Variants in DCUN1D1 observed in about 807,000 individuals in gnomAD.
DCUN1D1 encodes the protein defective in cullin neddylation 1 domain containing 1, also known as DCN1-like protein 1.
In DCUN1D1, 3 loss-of-function variants were observed where a neutral mutation model predicts 39.0. The observed-to-expected ratio is 0.08, with a 90% CI of 0.04 to 0.20. The LOEUF is 0.20. DCUN1D1 is among the 10% of genes least tolerant of loss of function. The probability of loss-of-function intolerance (pLI) is 1.00; values close to 1 mark genes in which losing one functional copy is unlikely to be tolerated. For synonymous variants in DCUN1D1, 82 were observed against 96.3 expected (o/e 0.85, Z 0.87); for missense variants, 158 against 302.4 (o/e 0.52, Z 3.54).
intron 1 of DCUN1D1, among the ~76,000 whole-genome samples, chr3:182,973,566 T>C (rs191666764): frequency 2.0e-5 from 3 of 152,308 alleles, no homozygotes; most frequent in Admixed American, 1.3e-4. Context: ...CCCAGCACTT[T>C]GGGAGGCCAA....
At chr3:182,963,578 AT>A (rs1318217348) in intron 3 of DCUN1D1, among the ~76,000 whole-genome samples, 1 of 152,256 alleles carries the variant, frequency 6.6e-6, no homozygotes, top group Non-Finnish European at 1.5e-5. Context: ...ACATTAGGAA[AT>A]AACTTTAAAA....
At chr3:182,981,044 T>A (rs1366321480), upstream of DCUN1D1, 1 of 152,264 alleles carries the variant, frequency 6.6e-6, no homozygotes, top group Non-Finnish European at 1.5e-5. Flanking sequence ...CGTGTTTTCT[T>A]CTTTTTCCCC....
In DCUN1D1 at chr3:182,941,871, T is replaced by C. The variant is rs1246160435; in HGVS notation, c.*3223A>G. The stretch of plus-strand genomic sequence containing the variant: ...TCTCCTGTCATTCATATGTGAAAAT[T>C]ACAGAAGGTTTACAATACGTAGTCT... On this transcript the variant is annotated 3_prime_UTR_variant, in exon 7 of 7. Coordinates refer to ENST00000292782, the MANE Select transcript of DCUN1D1 (RefSeq NM_020640.4). The C allele has an allele frequency of 6.6e-6, 1 of 151,922 alleles. No individual in the cohort carries two copies. Among genetic ancestry groups the C allele is most frequent in the Non-Finnish European group, 1.5e-5 (1 of 67,968 alleles). 9.4% of individuals were successfully genotyped at this position (151,922 alleles called of 1,614,324 possible).
rs1577147476 is a variant in DCUN1D1, at chr3:182,939,171, A to C, written c.*5923T>G. ...ATGCCTAGGTATAACTCACACACAT[A>C]AAGTAAATACCCGCCAGGATGGCTG... On this transcript the variant is annotated 3_prime_UTR_variant, in exon 7 of 7. Transcript: ENST00000292782. 1 of 152,342 alleles carries C rather than the reference A, an allele frequency of 6.6e-6. No individual in the cohort carries two copies. Among genetic ancestry groups the C allele is most frequent in the South Asian group, 2.1e-4 (1 of 4,830 alleles). 9.4% of individuals were successfully genotyped at this position (152,342 alleles called of 1,614,324 possible). A position where few individuals can be genotyped will look rare whatever the true frequency, so the allele number is the denominator to read the frequency against.
intron 1 of DCUN1D1, among the ~76,000 whole-genome samples, chr3:182,976,919 T>C (rs538581053): frequency 3.3e-5 from 5 of 152,354 alleles, no homozygotes; most frequent in Non-Finnish European, 7.4e-5. Context: ...CAACCTTGAA[T>C]AGACCTACAT....
rs1726243074 is a variant in DCUN1D1, at chr3:182,943,533, T to G, written c.*1561A>C. On this transcript the variant is annotated 3_prime_UTR_variant, in exon 7 of 7. Coordinates refer to ENST00000292782, the MANE Select transcript of DCUN1D1 (RefSeq NM_020640.4). ...TTTGATATGTCATTGTTTCTTAAAA[T>G]AATTTCCATATTTGCATAAAATGTA... 1 of 152,408 alleles carries G rather than the reference T, an allele frequency of 6.6e-6. No homozygotes were observed. The allele number at this position is 152,408 out of a possible 1,614,324, so 9.4% of individuals were successfully genotyped here.
chr3:182,967,832 G>A (rs999939300), intron 1 of DCUN1D1, among the ~76,000 whole-genome samples: 3 of 152,178 alleles, frequency 2.0e-5, no homozygotes, highest in Non-Finnish European at 4.4e-5. Flanking sequence ...TTGCTTAAAT[G>A]AAAGTTAACA....
At chr3:182,985,568 G>A (rs1728704968) in exon 2 of DCUN1D1, 2 of 152,400 alleles carry the variant, frequency 1.3e-5, no homozygotes, top group South Asian at 2.1e-4. Flanking sequence ...GGCGGAGGTT[G>A]CGGTGAGCCA....
intron 4 of DCUN1D1, among the ~76,000 whole-genome samples, chr3:182,951,637 A>C (rs1256931434): frequency 1.3e-5 from 2 of 148,576 alleles, no homozygotes; most frequent in South Asian, 2.1e-4. Flanking sequence ...AAAAAAAAAA[A>C]AAAAAAAAAC....
intron 1 of DCUN1D1, among the ~76,000 whole-genome samples, chr3:182,975,682 TAAA>T (rs56722976): frequency 2.5e-5 from 3 of 121,972 alleles, no homozygotes; most frequent in Non-Finnish European, 3.4e-5. Context: ...CTTGCTGGGT[TAAA>T]AAAAAAAAAA....
In DCUN1D1 at chr3:182,974,625, C is replaced by T. The variant is rs186744395; in HGVS notation, c.3+5862G>A. Among the ~76,000 whole-genome samples, 584 of 151,892 alleles carry T rather than the reference C, an allele frequency of 3.8e-3. 5 individuals carry two copies. The highest frequency in any genetic ancestry group is 6.9e-3 in the Non-Finnish European group (466 of 67,934). On this transcript the variant is annotated intron_variant, in intron 1 of 6. Transcript: ENST00000292782. ...TCTAATATTTGATATTTTCTCAAAT[C>T]CTAAATCAGGAAGTATTAGAATCCT...
chr3:182,978,040 C>CAA lies in DCUN1D1; in HGVS notation c.3+2445_3+2446dup, dbSNP rs71185618. ...GGGCAACAGAGCAAAAACTCCATCT[C>CAA]AAAAAAAAAAAAACAACAACAACAA... On this transcript the variant is annotated intron_variant, in intron 1 of 6. Coordinates refer to ENST00000292782, the MANE Select transcript of DCUN1D1 (RefSeq NM_020640.4). Among the ~76,000 whole-genome samples, 983 of 136,536 alleles carry CAA rather than the reference C, an allele frequency of 7.2e-3. 6 individuals carry two copies. Among genetic ancestry groups the CAA allele is most frequent in the Middle Eastern group, 0.019 (5 of 268 alleles). The allele number at this position is 136,536 out of a possible 152,430, so 89.6% of individuals were successfully genotyped here. A position where few individuals can be genotyped will look rare whatever the true frequency, so the allele number is the denominator to read the frequency against.
At position 182,947,235 on chromosome 3, in the gene DCUN1D1, T is replaced by C. The variant is rs1726460580; in HGVS notation, c.700+3A>G. ...AAAGTGGTGTGGCAAAAATTTTCAT[T>C]ACCTTCTTCATCATAATTAGACATG... On this transcript the variant is annotated splice_donor_region_variant and intron_variant, in intron 6 of 6. Transcript: ENST00000292782. 1 of 1,573,932 alleles carries C rather than the reference T, an allele frequency of 6.4e-7. No homozygotes were observed. Among genetic ancestry groups the C allele is most frequent in the African/African-American group, 1.4e-5 (1 of 73,062 alleles).
chr3:182,955,454 G>A (rs553916892), intron 4 of DCUN1D1: 18 of 540,246 alleles, frequency 3.3e-5, no homozygotes, highest in South Asian at 7.0e-5. Context: ...TGGTCTACAC[G>A]TTATGAGATA....
chr3:182,950,038 A>G (rs1167505055), intron 4 of DCUN1D1, among the ~76,000 whole-genome samples: 1 of 152,002 alleles, frequency 6.6e-6, no homozygotes, highest in Non-Finnish European at 1.5e-5. Flanking sequence ...ATACCATCCT[A>G]CCTCTTTAAG....
chr3:182,977,896 C>T (rs1195791570), intron 1 of DCUN1D1, among the ~76,000 whole-genome samples: 1 of 151,756 alleles, frequency 6.6e-6, no homozygotes, highest in Non-Finnish European at 1.5e-5. Flanking sequence ...AAAAATCAGC[C>T]GGGTATGTTG....
upstream of DCUN1D1, among the ~76,000 whole-genome samples, chr3:182,985,236 A>C (rs553819265): frequency 1.3e-5 from 2 of 152,324 alleles, no homozygotes; most frequent in African/African-American, 4.8e-5. Flanking sequence ...CAAACTTACC[A>C]GAGTGGAGGC....
At chr3:182,963,240 A>C (rs1727495292) in intron 3 of DCUN1D1, among the ~76,000 whole-genome samples, 1 of 152,228 alleles carries the variant, frequency 6.6e-6, no homozygotes, top group African/African-American at 2.4e-5. Flanking sequence ...AGTTGCTGTG[A>C]AGAGGTAGGA....
chr3:182,945,108 T>A lies in DCUN1D1; in HGVS notation c.766A>T (p.Ser256Cys). The change falls in exon 7 of 7, where the codon AGT becomes TGT. Residue 256 changes from serine (S) to cysteine (C), a missense_variant. Around this residue, in one of 4 missense-constraint regions of DCUN1D1, gnomAD observed 14 missense variants for 48.0 expected, o/e 0.29. Transcript: ENST00000292782. ...TTCCTTTAGTGCTACACTGTTGTAC[T>A]TTTTGTCCCAGCAATTTGAGGGCGT... Reference protein sequence around the residue: ...FARPQIAGTKSTTV With the variant: ...FARPQIAGTKCTTV 1 of 1,613,154 alleles carries A rather than the reference T, an allele frequency of 6.2e-7. No individual in the cohort carries two copies. The highest frequency in any genetic ancestry group is 8.5e-7 in the Non-Finnish European group (1 of 1,179,764).
Sources: allele counts gnomAD v4.1 joint callset (sites outside exome capture counted in the v4.1 genomes callset), GRCh38; gene constraint gnomAD v4.1.1; regional missense constraint gnomAD v4.1.1; transcripts MANE v1.5; gene names NCBI Gene and HGNC (gene_info 2026-07-23, HGNC 2026-07-21).